LYPLAL1: variants seen among roughly 807,000 people sequenced by gnomAD.
The protein encoded by LYPLAL1 is lysophospholipase-like protein 1.
LYPLAL1 carries 23 observed loss-of-function variants against 19.7 expected under a neutral mutation model. The observed-to-expected ratio is 1.17, with a 90% CI of 0.84 to 1.65. The LOEUF (loss-of-function observed/expected upper bound fraction) is 1.65, where lower values mean the gene tolerates loss of function less well. LYPLAL1 is among the 40% of genes most tolerant of loss of function. The pLI is 0.00. For missense variants in LYPLAL1, 355 were observed against 279.4 expected (o/e 1.27, Z -1.93); for synonymous variants, 119 against 96.3 (o/e 1.24, Z -1.38).
the LYPLAL1 span, among the ~76,000 whole-genome samples, chr1:219,230,105 C>A: frequency 6.6e-6 from 1 of 152,106 alleles, no homozygotes; most frequent in Non-Finnish European, 1.5e-5. Context: ...AACTTAAAAA[C>A]TGTATGGTAG....
At chr1:219,426,408 G>T in the LYPLAL1 span, among the ~76,000 whole-genome samples, 2 of 152,094 alleles carry the variant, frequency 1.3e-5, no homozygotes, top group African/African-American at 4.8e-5. Context: ...AAAAAAAATT[G>T]TATGACTGAG....
chr1:219,248,086 C>T, the LYPLAL1 span, among the ~76,000 whole-genome samples: 1 of 152,048 alleles, frequency 6.6e-6, no homozygotes, highest in Non-Finnish European at 1.5e-5. Context: ...TTTTCCAAAT[C>T]AGAGAAAAGT....
the LYPLAL1 span, among the ~76,000 whole-genome samples, chr1:219,437,567 T>C: frequency 6.6e-6 from 1 of 152,014 alleles, no homozygotes; most frequent in Non-Finnish European, 1.5e-5. Flanking sequence ...CATAGATCTG[T>C]GCTGCCAGGT....
chr1:219,285,049 C>G, the LYPLAL1 span, among the ~76,000 whole-genome samples: 13 of 152,266 alleles, frequency 8.5e-5, no homozygotes, highest in East Asian at 2.5e-3. Flanking sequence ...GTTAAGAAGG[C>G]AAGCAAGACT....
the LYPLAL1 span, among the ~76,000 whole-genome samples, chr1:219,244,910 G>GC: frequency 1.5e-4 from 3 of 19,822 alleles, no homozygotes; most frequent in South Asian, 3.2e-3. Context: ...TCATGCCACT[G>GC]CAAAAAAAAA....
At chr1:219,217,040 T>C (rs888625147), downstream of LYPLAL1, among the ~76,000 whole-genome samples, 1 of 152,156 alleles carries the variant, frequency 6.6e-6, no homozygotes, top group Non-Finnish European at 1.5e-5. Flanking sequence ...AGACTGAGAA[T>C]TTAATAAAAT....
the LYPLAL1 span, among the ~76,000 whole-genome samples, chr1:219,264,552 T>C: frequency 9.8e-5 from 15 of 152,352 alleles, no homozygotes; most frequent in South Asian, 8.3e-4. Context: ...GCTGACTTTA[T>C]GGTCTTTGGG....
the LYPLAL1 span, among the ~76,000 whole-genome samples, chr1:219,326,665 C>T: frequency 6.6e-6 from 1 of 152,116 alleles, no homozygotes; most frequent in Non-Finnish European, 1.5e-5. Context: ...ACCCTAGTAA[C>T]TTAAATCCTG....
At chr1:219,190,852 A>T (rs568198940) in intron 2 of LYPLAL1, among the ~76,000 whole-genome samples, 2 of 151,536 alleles carry the variant, frequency 1.3e-5, no homozygotes, top group African/African-American at 4.8e-5. Flanking sequence ...AAAGAAATCA[A>T]TGTTGATAGT....
the LYPLAL1 span, among the ~76,000 whole-genome samples, chr1:219,431,809 G>T: frequency 6.6e-6 from 1 of 152,202 alleles, no homozygotes; most frequent in East Asian, 1.9e-4. Flanking sequence ...ATCATATAGT[G>T]ATCAATATGG....
the LYPLAL1 span, among the ~76,000 whole-genome samples, chr1:219,281,360 T>A: frequency 1.3e-5 from 2 of 151,986 alleles, no homozygotes; most frequent in African/African-American, 4.8e-5. Flanking sequence ...CATAAAAGAT[T>A]TAAAGATATA....
At chr1:219,219,007 C>T in the LYPLAL1 span, among the ~76,000 whole-genome samples, 1 of 152,050 alleles carries the variant, frequency 6.6e-6, no homozygotes, top group African/African-American at 2.4e-5. Context: ...AAACATTAGT[C>T]CCAGCATTGT....
the LYPLAL1 span, among the ~76,000 whole-genome samples, chr1:219,430,998 G>A: frequency 6.6e-6 from 1 of 151,904 alleles, no homozygotes; most frequent in Non-Finnish European, 1.5e-5. Context: ...GTTTTTAAGG[G>A]GGCTTTTGAC....
At chr1:219,233,354 G>A in the LYPLAL1 span, among the ~76,000 whole-genome samples, 1 of 152,174 alleles carries the variant, frequency 6.6e-6, no homozygotes, top group Non-Finnish European at 1.5e-5. Flanking sequence ...AGGAGGGAGT[G>A]ATAGGGAATT....
the LYPLAL1 span, among the ~76,000 whole-genome samples, chr1:219,429,934 C>G: frequency 6.6e-6 from 1 of 152,074 alleles, no homozygotes; most frequent in Non-Finnish European, 1.5e-5. Flanking sequence ...CCCAAAAGTC[C>G]AGGTGTCTCA....
chr1:219,426,454 G>C, the LYPLAL1 span, among the ~76,000 whole-genome samples: 1 of 152,156 alleles, frequency 6.6e-6, no homozygotes, highest in Non-Finnish European at 1.5e-5. Flanking sequence ...TAAAGTACTA[G>C]CTGTTGCCAT....
At chr1:219,289,267 C>T in the LYPLAL1 span, among the ~76,000 whole-genome samples, 1 of 152,112 alleles carries the variant, frequency 6.6e-6, no homozygotes, top group Non-Finnish European at 1.5e-5. Flanking sequence ...CTGTCCACCT[C>T]CCAATCATCG....
chr1:219,376,607 C>G, the LYPLAL1 span, among the ~76,000 whole-genome samples: 1 of 152,036 alleles, frequency 6.6e-6, no homozygotes, highest in Admixed American at 6.6e-5. Flanking sequence ...ACCCCTAAAA[C>G]CCAACAAGAA....
chr1:219,436,031 T>C, the LYPLAL1 span, among the ~76,000 whole-genome samples: 2 of 152,120 alleles, frequency 1.3e-5, no homozygotes, highest in African/African-American at 4.8e-5. Flanking sequence ...CATCTCCTAT[T>C]ACAAGAAGCT....
Sources: allele counts gnomAD v4.1 joint callset (sites outside exome capture counted in the v4.1 genomes callset), GRCh38; gene constraint gnomAD v4.1.1; transcripts MANE v1.5; gene names NCBI Gene and HGNC (gene_info 2026-07-23, HGNC 2026-07-21).